EXOC5: variants seen among roughly 807,000 people sequenced by gnomAD.
EXOC5 encodes the protein exocyst complex component 5, also known as SEC10-like 1.
EXOC5 carries 17 observed loss-of-function variants against 90.8 expected under a neutral mutation model. The ratio of observed to expected loss-of-function variants is 0.19; its 90% CI spans 0.13 to 0.28. The LOEUF is 0.28. EXOC5 is among the 10% of genes least tolerant of loss of function. The pLI is 1.00. For missense variants in EXOC5, 569 were observed against 830.6 expected (o/e 0.69, Z 3.87); for synonymous variants, 260 against 270.0 (o/e 0.96, Z 0.36).
At chr14:57,238,349 CAT>C (rs146486005) in intron 5 of EXOC5, among the ~76,000 whole-genome samples, 4,496 of 88,952 alleles carry the variant, frequency 0.051, 147 homozygotes, top group African/African-American at 0.088. Flanking sequence ...CCTAATTAGA[CAT>C]ATATATATAT....
At chr14:57,213,352 A>T (rs983648491) in intron 15 of EXOC5, among the ~76,000 whole-genome samples, 1 of 152,186 alleles carries the variant, frequency 6.6e-6, no homozygotes, top group Non-Finnish European at 1.5e-5. Context: ...ACTGCACACC[A>T]GCCTGGGTGA....
chr14:57,213,474 C>G (rs1882884688), intron 15 of EXOC5, among the ~76,000 whole-genome samples: 1 of 151,568 alleles, frequency 6.6e-6, no homozygotes, highest in Non-Finnish European at 1.5e-5. Context: ...GTGGCGTGAT[C>G]TTGGCTCACT....
At chr14:57,221,913 T>C (rs1460685524) in intron 13 of EXOC5, among the ~76,000 whole-genome samples, 1 of 152,026 alleles carries the variant, frequency 6.6e-6, no homozygotes, top group Non-Finnish European at 1.5e-5. Context: ...AAAAGCAAAA[T>C]AAGAATTTTA....
rs1239623225 is a variant in EXOC5, at chr14:57,238,375, T to TATATATATACAC, written c.531-1010_531-1009insGTGTATATATAT. Among the ~76,000 whole-genome samples the TATATATATACAC allele has an allele frequency of 9.5e-4, 71 of 74,890 alleles. 1 individual carries two copies. The highest frequency in any genetic ancestry group is 2.2e-3 in the East Asian group (5 of 2,280). 49.1% of individuals were successfully genotyped at this position (74,890 alleles called of 152,430 possible). On this transcript the variant is annotated intron_variant, in intron 5 of 17. Coordinates refer to ENST00000621441, the MANE Select transcript of EXOC5 (RefSeq NM_006544.4). ...ATATATATATATATATATATATATA[T>TATATATATACAC]ACACACACACACACACACACACACA...
At chr14:57,258,984 G>A (rs189933382) in intron 1 of EXOC5, among the ~76,000 whole-genome samples, 2 of 152,218 alleles carry the variant, frequency 1.3e-5, no homozygotes, top group Admixed American at 1.3e-4. Context: ...CAAAAGTACT[G>A]CCTATCATGT....
intron 13 of EXOC5, among the ~76,000 whole-genome samples, chr14:57,220,943 A>G (rs1337269999): frequency 3.9e-5 from 6 of 152,162 alleles, no homozygotes; most frequent in Non-Finnish European, 8.8e-5. Flanking sequence ...TATAAACTCC[A>G]CAAGTACAGG....
At chr14:57,241,296 G>C (rs1883850199) in intron 4 of EXOC5, among the ~76,000 whole-genome samples, 1 of 152,118 alleles carries the variant, frequency 6.6e-6, no homozygotes, top group Non-Finnish European at 1.5e-5. Context: ...CTAGTCAGCA[G>C]GTCACTATCA....
intron 12 of EXOC5, among the ~76,000 whole-genome samples, chr14:57,228,165 G>A (rs970463449): frequency 6.6e-5 from 10 of 151,996 alleles, no homozygotes; most frequent in African/African-American, 2.4e-4. Context: ...ACCATCTCAC[G>A]CCAGTTAGAA....
At chr14:57,262,435 T>C (rs1353421943) in intron 1 of EXOC5, among the ~76,000 whole-genome samples, 1 of 151,942 alleles carries the variant, frequency 6.6e-6, no homozygotes, top group Non-Finnish European at 1.5e-5. Flanking sequence ...TAAACTGCTA[T>C]GTCTAACTGT....
chr14:57,214,533 C>T (rs1437378117), intron 15 of EXOC5, among the ~76,000 whole-genome samples: 1 of 152,058 alleles, frequency 6.6e-6, no homozygotes. Context: ...GTAGGAGCAA[C>T]ACTGAGTCTC....
At chr14:57,245,260 T>G (rs911526588) in intron 3 of EXOC5, among the ~76,000 whole-genome samples, 1 of 152,152 alleles carries the variant, frequency 6.6e-6, no homozygotes, top group African/African-American at 2.4e-5. Context: ...TAATCTAGTG[T>G]GGGACGTTTT....
At chr14:57,229,355 G>C (rs904797671) in intron 12 of EXOC5, among the ~76,000 whole-genome samples, 1 of 152,042 alleles carries the variant, frequency 6.6e-6, no homozygotes, top group Non-Finnish European at 1.5e-5. Flanking sequence ...CTCTCTAACT[G>C]TAAGTTCTGT....
intron 1 of EXOC5, among the ~76,000 whole-genome samples, chr14:57,252,271 T>C (rs909905297): frequency 1.3e-5 from 2 of 152,198 alleles, no homozygotes; most frequent in Non-Finnish European, 2.9e-5. Flanking sequence ...TACAGACTAA[T>C]ATCCCTTTAT....
At chr14:57,236,607 C>T (rs1402307911) in intron 6 of EXOC5, among the ~76,000 whole-genome samples, 1 of 152,040 alleles carries the variant, frequency 6.6e-6, no homozygotes, top group African/African-American at 2.4e-5. Context: ...ATTCTTGAGG[C>T]TAGTATGGTT....
At chr14:57,223,645 T>C (rs1173104030) in intron 12 of EXOC5, among the ~76,000 whole-genome samples, 3 of 151,996 alleles carry the variant, frequency 2.0e-5, no homozygotes, top group East Asian at 1.9e-4. Flanking sequence ...CAAACATCCA[T>C]GAATAATAGA....
chr14:57,240,426 C>T (rs1035326850), intron 4 of EXOC5, among the ~76,000 whole-genome samples: 74 of 152,054 alleles, frequency 4.9e-4, no homozygotes, highest in African/African-American at 1.4e-3. Flanking sequence ...GGATTACAGG[C>T]GCATGCCACC....
chr14:57,239,404 T>A (rs973895532), intron 5 of EXOC5, 191 bp downstream of exon 5: 50 of 424,826 alleles, frequency 1.2e-4, no homozygotes, highest in Admixed American at 1.7e-4. Context: ...AAGAAGAGAC[T>A]GTATTTTTTC....
At chr14:57,260,598 T>C (rs1463122025) in intron 1 of EXOC5, among the ~76,000 whole-genome samples, 1 of 152,210 alleles carries the variant, frequency 6.6e-6, no homozygotes, top group Non-Finnish European at 1.5e-5. Flanking sequence ...ATTATGTCTA[T>C]GTCCAAAAGG....
At chr14:57,231,103 G>A (rs1034373063) in intron 11 of EXOC5, among the ~76,000 whole-genome samples, 29 of 151,368 alleles carry the variant, frequency 1.9e-4, no homozygotes, top group African/African-American at 7.0e-4. Context: ...CCGTCTCCCA[G>A]GTTCAAGTGA....
Sources: gnomAD v4.1 joint callset for allele counts (sites outside exome capture counted in the v4.1 genomes callset) on GRCh38, gnomAD v4.1.1 for gene constraint, MANE v1.5 for transcripts, NCBI Gene and HGNC (gene_info 2026-07-23, HGNC 2026-07-21) for gene names.